ASPHD1: variants seen among roughly 807,000 people sequenced by gnomAD.
ASPHD1 encodes aspartate beta-hydroxylase domain containing 1.
A neutral mutation model predicts 28.3 loss-of-function variants in ASPHD1; 20 were observed. The observed-to-expected ratio is 0.71, with a 90% CI of 0.50 to 1.03. The LOEUF is 1.03. Among genes scored for constraint, ASPHD1 ranks in the 50% least tolerant of loss-of-function variants. ASPHD1 has a pLI of 0.00. For missense variants in ASPHD1, 479 were observed against 524.1 expected, an observed-to-expected ratio of 0.91 and a Z score of 0.84; for synonymous variants, 240 against 221.2, an observed-to-expected ratio of 1.08 and a Z score of -0.75.
intron 3 of ASPHD1, among the ~76,000 whole-genome samples, chr16:29,915,678 G>C (rs2068797623): frequency 6.6e-6 from 1 of 151,920 alleles, no homozygotes; most frequent in Non-Finnish European, 1.5e-5. Context: ...CTTTGGGCTT[G>C]TGCTGAGACG....
chr16:29,907,468 G>T (rs1470025440), downstream of ASPHD1, among the ~76,000 whole-genome samples: 2 of 152,160 alleles, frequency 1.3e-5, no homozygotes, highest in East Asian at 3.8e-4. Context: ...ACATTCTAGT[G>T]GGAGGACTCA....
chr16:29,901,716 T>C lies in ASPHD1; in HGVS notation c.745T>C (p.Cys249Arg). Residue 249 changes from cysteine (C) to arginine (R), a missense_variant, in exon 1 of 3, where the codon TGC (cysteine) becomes CGC (arginine). By Grantham distance (180) the Cys-to-Arg change is radical (BLOSUM62 -3). Transcript: ENST00000308748. The surrounding 1 kb of genome is among the most constrained non-coding windows in gnomAD (Gnocchi z 5.1). The stretch of plus-strand genomic sequence containing the variant: ...CTGGTCCCCACCTCTGGCCCCCGGG[T>C]GCTACCAGCTCCTGCTGTACCAAGC... ...RGWSPPLAPG[C>R]YQLLLYQAGR... 1 of 1,570,464 alleles carries C rather than the reference T, an allele frequency of 6.4e-7. No individual in the cohort carries two copies. The highest frequency in any genetic ancestry group is 1.2e-5 in the South Asian group (1 of 84,770).
At chr16:29,913,472 A>C (rs2068753369) in intron 3 of ASPHD1, 2 of 152,246 alleles carry the variant, frequency 1.3e-5, no homozygotes, top group Non-Finnish European at 2.9e-5. Flanking sequence ...TTCGTTATCT[A>C]TCACTGTGTA....
chr16:29,907,025 G>A (rs761126517), downstream of ASPHD1: 1 of 1,614,170 alleles, frequency 6.2e-7, no homozygotes, highest in Non-Finnish European at 8.5e-7. Context: ...TGGCCTCCAG[G>A]AGGGCTGGGT....
In ASPHD1 at chr16:29,912,027, G is replaced by A. The variant is rs750765239; in HGVS notation, c.*62+6068G>A. 89 of 1,609,408 alleles carry A rather than the reference G, an allele frequency of 5.5e-5. No individual in the cohort carries two copies. In the Admixed American group the frequency reaches 1.1e-3, roughly 19 times the overall value. On this transcript the variant is annotated intron_variant and NMD_transcript_variant, in intron 3 of 3. Coordinates refer to the ASPHD1 transcript ENST00000414952. ...TGTCACCATGGGGATGAGGCACAGCGGGGACAGCGTCTCCCTTTTTTGCTG... is the reference window on the plus strand; with the variant it reads ...TGTCACCATGGGGATGAGGCACAGCAGGGACAGCGTCTCCCTTTTTTGCTG...
chr16:29,902,057 C>G, intron 1 of ASPHD1, 137 bp downstream of exon 1: 1 of 637,390 alleles, frequency 1.6e-6, no homozygotes, highest in Admixed American at 3.9e-5. Context: ...CCACCCACAG[C>G]AGCATTTCCT....
At chr16:29,902,128 T>G (rs1296214169) in intron 1 of ASPHD1, among the ~76,000 whole-genome samples, 1 of 152,166 alleles carries the variant, frequency 6.6e-6, no homozygotes, top group Non-Finnish European at 1.5e-5. Flanking sequence ...CCATCTGTAC[T>G]GCGTTTCTTC....
intron 3 of ASPHD1, chr16:29,911,278 G>T (rs1248131585): frequency 2.2e-6 from 2 of 893,112 alleles, no homozygotes; most frequent in Non-Finnish European, 3.5e-6. Flanking sequence ...TCCTGCCCAG[G>T]GCTTTGGTGC....
In ASPHD1 at chr16:29,900,551, A is replaced by C; in HGVS notation, c.-421A>C. On this transcript the variant is annotated 5_prime_UTR_variant, in exon 1 of 3. Coordinates refer to ENST00000308748, the MANE Select transcript of ASPHD1 (RefSeq NM_181718.4). ...GTGGCTGAGCTGAGAGGGCTCCGGGAAGGAGTGACGTCAGGGTGAGTGGGA... is the reference window on the plus strand; with the variant it reads ...GTGGCTGAGCTGAGAGGGCTCCGGGCAGGAGTGACGTCAGGGTGAGTGGGA... 2 of 185,132 alleles carry C rather than the reference A, an allele frequency of 1.1e-5. No homozygotes were observed. Among genetic ancestry groups the C allele is most frequent in the Non-Finnish European group, 2.3e-5 (2 of 87,820 alleles). 11.5% of individuals were successfully genotyped at this position (185,132 alleles called of 1,614,324 possible).
intron 1 of ASPHD1, among the ~76,000 whole-genome samples, chr16:29,904,633 G>C (rs1041606487): frequency 7.2e-6 from 1 of 138,278 alleles, no homozygotes; most frequent in Non-Finnish European, 1.5e-5. Flanking sequence ...AAAAAAAAAA[G>C]ATGGGTCACA....
In ASPHD1 at chr16:29,912,534, G is replaced by A. The variant is rs143689753; in HGVS notation, c.*62+6575G>A. 4.8e-3 allele frequency among the ~76,000 whole-genome samples: 731 copies of A among 152,266 alleles called. 5 individuals are homozygous for A. The highest frequency in any genetic ancestry group is 0.016 in the African/African-American group (675 of 41,544). On this transcript the variant is annotated intron_variant and NMD_transcript_variant, in intron 3 of 3. Coordinates refer to the ASPHD1 transcript ENST00000414952. Reference sequence around the variant, plus strand: ...CGGCTCACTGCAACCTCCACCTCCCGGGTTAAAGCAATTCTCCTGCCTCAG... The same window carrying A: ...CGGCTCACTGCAACCTCCACCTCCCAGGTTAAAGCAATTCTCCTGCCTCAG...
downstream of ASPHD1, chr16:29,906,408 A>T (rs1285698163): frequency 2.3e-5 from 8 of 342,166 alleles, no homozygotes; most frequent in Non-Finnish European, 4.6e-5. Context: ...AAACAGACTG[A>T]TAACGCTGAG....
At chr16:29,909,557 G>T (rs933294583), downstream of ASPHD1, among the ~76,000 whole-genome samples, 1 of 152,134 alleles carries the variant, frequency 6.6e-6, no homozygotes, top group South Asian at 2.1e-4. Context: ...CACAGAGCAG[G>T]GGCTTGGGGA....
chr16:29,918,132 TGAAGA>T (rs2068841983), intron 3 of ASPHD1, among the ~76,000 whole-genome samples: 1 of 152,208 alleles, frequency 6.6e-6, no homozygotes, highest in Admixed American at 6.5e-5. Context: ...GTAATAATGT[TGAAGA>T]GAAAAGACTT....
At position 29,912,062 on chromosome 16, in the gene ASPHD1, C is replaced by T. The variant is rs370642081; in HGVS notation, c.*62+6103C>T. On this transcript the variant is annotated intron_variant and NMD_transcript_variant, in intron 3 of 3. Transcript: ENST00000414952. ...TCTCCCTTTTTTGCTGGGGAAGAAG[C>T]GGAAGGTGGTTAACAGCACAACCAA... The T allele has an allele frequency of 1.3e-4, 202 of 1,578,738 alleles. 1 individual carries two copies. The highest frequency in any genetic ancestry group is 3.5e-5 in the Non-Finnish European group (40 of 1,158,622).
intron 3 of ASPHD1, chr16:29,911,159 T>C (rs961353474): frequency 2.5e-6 from 4 of 1,613,752 alleles, no homozygotes; most frequent in Non-Finnish European, 2.5e-6. Flanking sequence ...CTTAAGTAGG[T>C]TGTCATCTGA....
chr16:29,911,893 GA>G, intron 3 of ASPHD1: 2 of 1,611,706 alleles, frequency 1.2e-6, no homozygotes, highest in Non-Finnish European at 8.5e-7. Context: ...GGATGGACGA[GA>G]GGGGTGAGGC....
At chr16:29,908,356 A>G (rs1437843686), downstream of ASPHD1, among the ~76,000 whole-genome samples, 1 of 152,126 alleles carries the variant, frequency 6.6e-6, no homozygotes, top group Non-Finnish European at 1.5e-5. Flanking sequence ...CACAGCTCTT[A>G]GCAAACTGTT....
chr16:29,914,553 C>G (rs1178828934), intron 3 of ASPHD1: 1 of 152,064 alleles, frequency 6.6e-6, no homozygotes. Context: ...ATTCTCTTGC[C>G]TCAGCATCCC....
Sources: allele counts gnomAD v4.1 joint callset (sites outside exome capture counted in the v4.1 genomes callset), GRCh38; gene constraint gnomAD v4.1.1; non-coding constraint Gnocchi (gnomAD v3.1); transcripts MANE v1.5; gene names NCBI Gene and HGNC (gene_info 2026-07-23, HGNC 2026-07-21).